CD6: variants seen among roughly 807,000 people sequenced by gnomAD.
CD6 encodes the protein T-cell differentiation antigen CD6.
CD6 carries 53 observed loss-of-function variants against 75.3 expected under a neutral mutation model. The ratio of observed to expected loss-of-function variants is 0.70; its 90% CI spans 0.56 to 0.88. The LOEUF (loss-of-function observed/expected upper bound fraction) is 0.88, where lower values mean the gene tolerates loss of function less well. CD6 is among the 40% of genes least tolerant of loss of function. The pLI is 0.00. For missense variants in CD6, 770 were observed against 897.1 expected, an observed-to-expected ratio of 0.86 and a Z score of 1.81; for synonymous variants, 359 against 381.5, an observed-to-expected ratio of 0.94 and a Z score of 0.69.
rs35054729 is a variant in CD6, at chr11:60,985,573, A to AAC, written c.49+13660_49+13661insCA. On this transcript the variant is annotated intron_variant, in intron 1 of 12. Transcript: ENST00000313421. ...AAACCAATACTACTTAAGTAAATAGAATATATATATATAAACAAAGAAAAC... is the reference window on the plus strand; with the variant it reads ...AAACCAATACTACTTAAGTAAATAGAACATATATATATATAAACAAAGAAAAC... Among the ~76,000 whole-genome samples, 34 of 151,310 alleles carry AAC rather than the reference A, an allele frequency of 2.2e-4. No homozygotes were observed. The South Asian group carries it at 5.2e-3, about 23-fold the overall frequency.
chr11:61,007,928 A>C lies in CD6; in HGVS notation c.469+18A>C. 7.7e-7 allele frequency: 1 copy of C among 1,299,336 alleles called. No homozygotes were observed. Among genetic ancestry groups the C allele is most frequent in the Non-Finnish European group, 9.8e-7 (1 of 1,022,258 alleles). The allele number at this position is 1,299,336 out of a possible 1,614,324, so 80.5% of individuals were successfully genotyped here. A position where few individuals can be genotyped will look rare whatever the true frequency, so the allele number is the denominator to read the frequency against. ...CTGTGCAGGTACGAGCGCACCCCCT[A>C]CACGGGCCCCCACCTGCCCCACTCC... On this transcript the variant is annotated intron_variant, in intron 3 of 12. Coordinates refer to ENST00000313421, the MANE Select transcript of CD6 (RefSeq NM_006725.5). The surrounding 1 kb of genome is among the most constrained non-coding windows in gnomAD (Gnocchi z 4.2).
intron 1 of CD6, among the ~76,000 whole-genome samples, chr11:61,003,597 C>A (rs772278108): frequency 1.3e-5 from 2 of 152,022 alleles, no homozygotes; most frequent in Non-Finnish European, 2.9e-5. Context: ...TAGCCAGCAT[C>A]GTGGCAAGCG....
chr11:60,974,231 C>T (rs1857287395), intron 1 of CD6, among the ~76,000 whole-genome samples: 1 of 152,236 alleles, frequency 6.6e-6, no homozygotes, highest in Non-Finnish European at 1.5e-5. Flanking sequence ...TGGCTCTGCC[C>T]TGGGACCACA....
At chr11:61,011,251 C>T in intron 6 of CD6, 116 bp downstream of exon 6, 1 of 821,436 alleles carries the variant, frequency 1.2e-6, no homozygotes, top group East Asian at 2.7e-5. Flanking sequence ...GGTCCTCATC[C>T]TCCACCTCCA....
In CD6 at chr11:61,013,948, C is replaced by T; in HGVS notation, c.1321C>T (p.Leu441=). ...ALPVMVNHQH[L]PTTIPAGSNS... is the part of the protein sequence containing the mutation. ...CCCCGTAATGGTGAACCACCAGCACCTACCCACCACCATCCCGGCAGGGAG... is the reference window on the plus strand; with the variant it reads ...CCCCGTAATGGTGAACCACCAGCACTTACCCACCACCATCCCGGCAGGGAG... Residue 441 remains leucine, a synonymous_variant, in exon 8 of 13, where the codon CTA becomes TTA. Transcript: ENST00000313421. The T allele has an allele frequency of 6.2e-7, 1 of 1,613,504 alleles. No homozygotes were observed. The highest frequency in any genetic ancestry group is 1.7e-5 in the Admixed American group (1 of 59,870).
chr11:60,986,690 G>A (rs745877458), intron 1 of CD6, among the ~76,000 whole-genome samples: 1 of 152,102 alleles, frequency 6.6e-6, no homozygotes. Flanking sequence ...TCCTTCCCCC[G>A]CTCTCAACGC....
At chr11:60,981,255 C>G (rs981254259) in intron 1 of CD6, among the ~76,000 whole-genome samples, 5 of 152,176 alleles carry the variant, frequency 3.3e-5, no homozygotes, top group African/African-American at 1.2e-4. Context: ...GAGTAAGTGA[C>G]AGGCTCAGAG....
In CD6 at chr11:61,008,503, C is replaced by T. The variant is rs754288553; in HGVS notation, c.470-31C>T. The T allele has an allele frequency of 9.1e-6, 14 of 1,533,078 alleles. No homozygotes were observed. The South Asian group carries it at 1.1e-4, about 12-fold the overall frequency. 95.0% of individuals were successfully genotyped at this position (1,533,078 alleles called of 1,614,324 possible). ...CAACCCTCCCTTCCTGGTCGGGTGC[C>T]CCAGCATCCACAACCCCCTCCCACC... On this transcript the variant is annotated intron_variant, in intron 3 of 12. Coordinates refer to ENST00000313421, the MANE Select transcript of CD6 (RefSeq NM_006725.5).
intron 1 of CD6, among the ~76,000 whole-genome samples, chr11:60,986,732 C>G (rs1286739445): frequency 6.6e-6 from 1 of 152,230 alleles, no homozygotes; most frequent in Non-Finnish European, 1.5e-5. Flanking sequence ...AAGCTCTTCT[C>G]AGCTCCCACC....
rs1343473662 is a variant in CD6, at chr11:60,982,541, C to T, written c.49+10627C>T. The T allele has an allele frequency of 5.1e-5, 23 of 454,716 alleles. No homozygotes were observed. The Admixed American group carries it at 5.2e-4, about 10-fold the overall frequency. The allele number at this position is 454,716 out of a possible 1,614,324, so 28.2% of individuals were successfully genotyped here. Reference sequence around the variant, plus strand: ...CGCGGGGAGACAGAGCTGAGGAAGCCCCCCAGGCCTGGAGGAGGCCCGTTC... The same window carrying T: ...CGCGGGGAGACAGAGCTGAGGAAGCTCCCCAGGCCTGGAGGAGGCCCGTTC... On this transcript the variant is annotated intron_variant, in intron 1 of 12. Transcript: ENST00000313421.
chr11:60,985,166 A>G (rs1011877699), intron 1 of CD6: 1 of 125,464 alleles, frequency 8.0e-6, no homozygotes, highest in African/African-American at 3.0e-5. Context: ...CGAAGCTTGC[A>G]CCCACTCCTT....
At chr11:61,013,631 C>A in intron 7 of CD6, 68 bp downstream of exon 7, 1 of 1,561,014 alleles carries the variant, frequency 6.4e-7, no homozygotes, top group Non-Finnish European at 8.8e-7. Flanking sequence ...ACCCCAGCAG[C>A]AGTGGCGTGG....
At position 61,019,908 on chromosome 11, in the gene CD6, G is replaced by T; in HGVS notation, c.*590G>T. On this transcript the variant is annotated 3_prime_UTR_variant, in exon 13 of 13. Transcript: ENST00000313421. Reference sequence around the variant, plus strand: ...CTTGGGCAGGGAATATAGCCTTCCTGGGCACAACTAGCTGACAATGACAGG... The same window carrying T: ...CTTGGGCAGGGAATATAGCCTTCCTTGGCACAACTAGCTGACAATGACAGG... 1 of 379,338 alleles carries T rather than the reference G, an allele frequency of 2.6e-6. No individual in the cohort carries two copies. Among genetic ancestry groups the T allele is most frequent in the Admixed American group, 4.5e-5 (1 of 22,044 alleles). 23.5% of individuals were successfully genotyped at this position (379,338 alleles called of 1,614,324 possible).
chr11:61,010,387 AG>A (rs1241966334), intron 5 of CD6, among the ~76,000 whole-genome samples: 1 of 152,252 alleles, frequency 6.6e-6, no homozygotes, highest in Non-Finnish European at 1.5e-5. Flanking sequence ...TGTACCATAA[AG>A]AAGAACGAAC....
At chr11:60,994,805 G>A (rs1202149531) in intron 1 of CD6, among the ~76,000 whole-genome samples, 1 of 152,210 alleles carries the variant, frequency 6.6e-6, no homozygotes, top group Admixed American at 6.5e-5. Context: ...AGGTATTCGG[G>A]AGATAAGTGT....
intron 7 of CD6, 25 bp downstream of exon 7, chr11:61,013,588 T>C: frequency 6.2e-7 from 1 of 1,612,322 alleles, no homozygotes; most frequent in South Asian, 1.1e-5. Flanking sequence ...CTGGGAGCCA[T>C]GGCCATCCCA....
At chr11:61,015,339 G>A (rs1044187455) in intron 8 of CD6, 8 of 174,370 alleles carry the variant, frequency 4.6e-5, no homozygotes, top group Admixed American at 2.3e-4. Context: ...GGGAGGCCGA[G>A]GGGGATGGAT....
intron 1 of CD6, among the ~76,000 whole-genome samples, chr11:60,984,477 C>G (rs768905441): frequency 1.3e-5 from 2 of 152,198 alleles, no homozygotes; most frequent in Admixed American, 1.3e-4. Flanking sequence ...CACCTTAGGG[C>G]TAGTTCTCCC....
chr11:61,015,651 A>G lies in CD6; in HGVS notation c.1388-62A>G, dbSNP rs1231008241. ...TCACCTCTGCCGTTCATACTCTACC[A>G]TCCCTCCCTACACCTTTCCGCCCAC... On this transcript the variant is annotated intron_variant, in intron 8 of 12. Coordinates refer to ENST00000313421, the MANE Select transcript of CD6 (RefSeq NM_006725.5). 1.4e-5 allele frequency: 23 copies of G among 1,594,498 alleles called. No individual in the cohort carries two copies. The East Asian group carries it at 4.9e-4, about 34-fold the overall frequency.
Sources: allele counts gnomAD v4.1 joint callset (sites outside exome capture counted in the v4.1 genomes callset), GRCh38; gene constraint gnomAD v4.1.1; non-coding constraint Gnocchi (gnomAD v3.1); transcripts MANE v1.5; gene names NCBI Gene and HGNC (gene_info 2026-07-23, HGNC 2026-07-21).